Variants in MYPN observed in about 807,000 individuals in gnomAD.
MYPN encodes the protein myopalladin.
In MYPN, 63 loss-of-function variants were observed where a neutral mutation model predicts 129.4. The observed-to-expected ratio is 0.49, with a 90% CI of 0.40 to 0.60. The LOEUF (loss-of-function observed/expected upper bound fraction) is 0.60, where lower values mean the gene tolerates loss of function less well. Among genes scored for constraint, MYPN ranks in the 20% least tolerant of loss-of-function variants. MYPN has a pLI of 0.00. For synonymous variants in MYPN, 629 were observed against 600.9 expected, an observed-to-expected ratio of 1.05 and a Z score of -0.68; for missense variants, 1,596 against 1,635.4, an observed-to-expected ratio of 0.98 and a Z score of 0.42.
At chr10:68,196,658 A>G (rs2043612178) in intron 15 of MYPN, among the ~76,000 whole-genome samples, 1 of 151,118 alleles carries the variant, frequency 6.6e-6, no homozygotes, top group African/African-American at 2.4e-5. Context: ...TAATTTTTGT[A>G]TTTTTTTGTA....
intron 8 of MYPN, among the ~76,000 whole-genome samples, chr10:68,164,014 C>T (rs984737778): frequency 2.6e-5 from 4 of 152,172 alleles, no homozygotes; most frequent in Non-Finnish European, 2.9e-5. Flanking sequence ...TTCTTCAGAA[C>T]ATATGACCAA....
intron 1 of MYPN, among the ~76,000 whole-genome samples, chr10:68,120,534 T>A (rs955459134): frequency 6.6e-6 from 1 of 152,176 alleles, no homozygotes; most frequent in African/African-American, 2.4e-5. Context: ...AGCTAAATCA[T>A]CATAGTTTTC....
intron 12 of MYPN, among the ~76,000 whole-genome samples, chr10:68,182,125 T>C (rs1302645566): frequency 6.6e-6 from 1 of 151,334 alleles, no homozygotes; most frequent in African/African-American, 2.4e-5. Flanking sequence ...TGTTTTCTGA[T>C]ATCTAGCCCA....
At chr10:68,196,576 C>T (rs951677214) in intron 15 of MYPN, among the ~76,000 whole-genome samples, 1 of 151,094 alleles carries the variant, frequency 6.6e-6, no homozygotes, top group Non-Finnish European at 1.5e-5. Flanking sequence ...CTCCACCTTC[C>T]GGGCTCAAGT....
chr10:68,166,509 G>A lies in MYPN; in HGVS notation c.1816G>A (p.Asp606Asn), dbSNP rs2043056722. The A allele has an allele frequency of 1.2e-6, 2 of 1,614,144 alleles. No individual in the cohort carries two copies. The highest frequency in any genetic ancestry group is 1.7e-6 in the Non-Finnish European group (2 of 1,180,034). The change falls in exon 10 of 20, where the codon GAC becomes AAC. Residue 606 changes from aspartate to asparagine, a missense_variant. Physicochemically the swap from Asp to Asn is conservative, Grantham distance 23. Transcript: ENST00000358913. ...TGTGCACTTCAACCTGCCTGAAGAT[G>A]ACAAAGGAAGTGAAGCATCCTCCGA... Reference protein sequence around the residue: ...LRVHFNLPEDDKGSEASSEAG... With the variant: ...LRVHFNLPEDNKGSEASSEAG...
chr10:68,152,014 T>A (rs1016615724), intron 6 of MYPN, among the ~76,000 whole-genome samples: 1 of 152,164 alleles, frequency 6.6e-6, no homozygotes, highest in Non-Finnish European at 1.5e-5. Context: ...AATCCGTACA[T>A]GTAAGATGTA....
At position 68,166,808 on chromosome 10, in the gene MYPN, C is replaced by T. The variant is rs190124365; in HGVS notation, c.1973+142C>T. The T allele has an allele frequency of 1.3e-4, 151 of 1,184,102 alleles. No individual in the cohort carries two copies. The East Asian group carries it at 3.2e-3, about 25-fold the overall frequency. 73.3% of individuals were successfully genotyped at this position (1,184,102 alleles called of 1,614,324 possible). A position where few individuals can be genotyped will look rare whatever the true frequency, so the allele number is the denominator to read the frequency against. On this transcript the variant is annotated intron_variant, in intron 10 of 19. Transcript: ENST00000358913. The stretch of plus-strand genomic sequence containing the variant: ...CTTTGGGAGGCTGAGGCAGGAGGAT[C>T]GCTTGAGCCCAGGAATTCGAGACCA...
intron 10 of MYPN, among the ~76,000 whole-genome samples, chr10:68,172,111 T>C (rs2043153376): frequency 1.3e-5 from 2 of 152,188 alleles, no homozygotes; most frequent in African/African-American, 4.8e-5. Context: ...TCTAGCACTT[T>C]TGGAGGCCAA....
chr10:68,168,905 A>T (rs562249222), intron 10 of MYPN, among the ~76,000 whole-genome samples: 4 of 147,636 alleles, frequency 2.7e-5, no homozygotes, highest in Non-Finnish European at 5.9e-5. Flanking sequence ...AGGTGGGAGA[A>T]TTGCTTGAAC....
chr10:68,111,772 C>T (rs1423050285), intron 1 of MYPN, among the ~76,000 whole-genome samples: 1 of 152,170 alleles, frequency 6.6e-6, no homozygotes, highest in Non-Finnish European at 1.5e-5. Context: ...CTCCCTGCTA[C>T]GGAGACCTCC....
chr10:68,149,760 G>A (rs756568528), intron 5 of MYPN, among the ~76,000 whole-genome samples: 1 of 152,128 alleles, frequency 6.6e-6, no homozygotes, highest in African/African-American at 2.4e-5. Context: ...GTTCTACGGA[G>A]CCTCTTTGGA....
At chr10:68,183,761 GGCC>G (rs2043377350) in intron 12 of MYPN, among the ~76,000 whole-genome samples, 1 of 152,148 alleles carries the variant, frequency 6.6e-6, no homozygotes, top group Non-Finnish European at 1.5e-5. Context: ...CAGTGGCTTA[GGCC>G]TGTAATCCCA....
intron 19 of MYPN, among the ~76,000 whole-genome samples, chr10:68,209,032 G>C (rs928888366): frequency 6.6e-6 from 1 of 152,136 alleles, no homozygotes; most frequent in Non-Finnish European, 1.5e-5. Flanking sequence ...TTCACTCAGA[G>C]GTATGTAGAC....
intron 12 of MYPN, among the ~76,000 whole-genome samples, chr10:68,180,921 T>A (rs1010805006): frequency 6.6e-6 from 1 of 152,168 alleles, no homozygotes; most frequent in African/African-American, 2.4e-5. Flanking sequence ...TTATCTTTTT[T>A]AAAAAAATGG....
chr10:68,118,094 A>G (rs1016349642), intron 1 of MYPN, among the ~76,000 whole-genome samples: 15 of 152,192 alleles, frequency 9.9e-5, no homozygotes, highest in African/African-American at 3.4e-4. Context: ...GTAATAATTT[A>G]TCATAACCAT....
chr10:68,177,439 A>G (rs1376344743), intron 12 of MYPN, among the ~76,000 whole-genome samples: 1 of 152,212 alleles, frequency 6.6e-6, no homozygotes, highest in Non-Finnish European at 1.5e-5. Context: ...AGCTGCATAA[A>G]TGAAATTTGG....
chr10:68,205,813 A>G (rs1164990509), intron 18 of MYPN, among the ~76,000 whole-genome samples: 1 of 152,200 alleles, frequency 6.6e-6, no homozygotes, highest in East Asian at 1.9e-4. Context: ...CAAAGAATGA[A>G]TGGATTAATT....
At chr10:68,109,922 T>C (rs1194558671) in intron 1 of MYPN, among the ~76,000 whole-genome samples, 199 bp downstream of exon 1, 2 of 152,206 alleles carry the variant, frequency 1.3e-5, no homozygotes, top group African/African-American at 2.4e-5. Context: ...TTGATGAGAC[T>C]CACAGAGATC....
intron 18 of MYPN, among the ~76,000 whole-genome samples, chr10:68,205,686 C>CA (rs567917180): frequency 2.0e-5 from 3 of 151,702 alleles, no homozygotes; most frequent in Non-Finnish European, 4.4e-5. Context: ...GACTCTGTCT[C>CA]AAAAAAAAGA....
Sources: gnomAD v4.1 joint callset for allele counts (sites outside exome capture counted in the v4.1 genomes callset) on GRCh38, gnomAD v4.1.1 for gene constraint, MANE v1.5 for transcripts, NCBI Gene and HGNC (gene_info 2026-07-23, HGNC 2026-07-21) for gene names.